The following MAST4 variants were observed in gnomAD, a reference collection of about 807,000 sequenced individuals.
MAST4 encodes the protein microtubule-associated serine/threonine-protein kinase 4.
In MAST4, 89 loss-of-function variants were observed where a neutral mutation model predicts 162.7. The ratio of observed to expected loss-of-function variants is 0.55; its 90% CI spans 0.46 to 0.65. MAST4 has a LOEUF of 0.65. MAST4 is among the 30% of genes least tolerant of loss of function. The pLI is 0.00. For synonymous variants in MAST4, 1,479 were observed against 1,361.1 expected (o/e 1.09, Z -1.91); for missense variants, 3,153 against 3,374.0 (o/e 0.93, Z 1.62).
At chr5:67,155,161 C>A (rs1772331769) in intron 26 of MAST4, among the ~76,000 whole-genome samples, 1 of 152,202 alleles carries the variant, frequency 6.6e-6, no homozygotes, top group East Asian at 1.9e-4. Context: ...TTCATAGATT[C>A]ACATATTTGG....
intron 4 of MAST4, among the ~76,000 whole-genome samples, chr5:66,931,790 A>C (rs1256041259): frequency 6.6e-6 from 1 of 152,180 alleles, no homozygotes; most frequent in Non-Finnish European, 1.5e-5. Flanking sequence ...AATAGCATCC[A>C]GTTTCCCCAG....
At chr5:66,681,111 G>A (rs1246539289) in intron 1 of MAST4, among the ~76,000 whole-genome samples, 1 of 152,220 alleles carries the variant, frequency 6.6e-6, no homozygotes, top group African/African-American at 2.4e-5. Context: ...CATACCAAAG[G>A]TGCTAACTTT....
At chr5:67,007,411 A>G (rs894205069) in intron 4 of MAST4, among the ~76,000 whole-genome samples, 3 of 152,196 alleles carry the variant, frequency 2.0e-5, no homozygotes, top group Non-Finnish European at 4.4e-5. Flanking sequence ...CATCAGTCAG[A>G]TATGCCTTAA....
chr5:66,614,316 T>C (rs1743500348), intron 1 of MAST4, among the ~76,000 whole-genome samples: 1 of 152,242 alleles, frequency 6.6e-6, no homozygotes, highest in South Asian at 2.1e-4. Context: ...GTGTGTACTC[T>C]GGACTTTTGA....
intron 3 of MAST4, among the ~76,000 whole-genome samples, chr5:66,820,830 G>T (rs1160629686): frequency 7.2e-5 from 11 of 152,064 alleles, no homozygotes; most frequent in Non-Finnish European, 5.9e-5. Flanking sequence ...TCAATACCAT[G>T]ATTCCTGTCA....
intron 1 of MAST4, among the ~76,000 whole-genome samples, chr5:66,701,269 T>A (rs1357212613): frequency 6.6e-6 from 1 of 152,212 alleles, no homozygotes; most frequent in Non-Finnish European, 1.5e-5. Flanking sequence ...TCATACAACT[T>A]GCTTTTTAAT....
chr5:66,716,153 T>G (rs1241161271), intron 1 of MAST4, among the ~76,000 whole-genome samples: 1 of 152,142 alleles, frequency 6.6e-6, no homozygotes, highest in Non-Finnish European at 1.5e-5. Flanking sequence ...AAAAAGGAAC[T>G]ATAAAAATTT....
intron 1 of MAST4, among the ~76,000 whole-genome samples, chr5:66,696,298 A>G (rs112781830): frequency 0.019 from 2,931 of 152,130 alleles, 95 homozygotes; most frequent in African/African-American, 0.066. Context: ...GCAAATCACC[A>G]TGGCACACAT....
chr5:66,986,344 C>A, intron 4 of MAST4: 2 of 752,282 alleles, frequency 2.7e-6, no homozygotes, highest in Non-Finnish European at 2.2e-6. Flanking sequence ...AAGTATGGAT[C>A]CATATGTTGT....
chr5:66,718,495 G>C (rs750404858), intron 1 of MAST4, among the ~76,000 whole-genome samples: 21 of 152,032 alleles, frequency 1.4e-4, no homozygotes, highest in Non-Finnish European at 2.8e-4. Flanking sequence ...CGTGTGTGGT[G>C]GTATCTGTCT....
chr5:66,906,872 A>T (rs1029772397), intron 4 of MAST4, among the ~76,000 whole-genome samples: 2 of 152,152 alleles, frequency 1.3e-5, no homozygotes, highest in Non-Finnish European at 2.9e-5. Context: ...TCCAGAGATG[A>T]GATGGAAGAT....
chr5:66,774,605 A>G (rs987103071), intron 2 of MAST4, among the ~76,000 whole-genome samples: 2 of 151,988 alleles, frequency 1.3e-5, no homozygotes, highest in Non-Finnish European at 2.9e-5. Flanking sequence ...AATTTTTATT[A>G]TTTGTGTACC....
intron 1 of MAST4, among the ~76,000 whole-genome samples, chr5:66,668,101 G>C (rs1747374860): frequency 6.6e-6 from 1 of 152,104 alleles, no homozygotes; most frequent in African/African-American, 2.4e-5. Flanking sequence ...AATCAAAGCT[G>C]TGCTAATTTG....
intron 3 of MAST4, among the ~76,000 whole-genome samples, chr5:66,857,183 C>T (rs868841586): frequency 5.3e-5 from 8 of 152,146 alleles, no homozygotes; most frequent in African/African-American, 1.4e-4. Context: ...TTTTTCCCCA[C>T]TCAGAATAGA....
Position 67,166,479 on chromosome 5 carries a change from C to T in MAST4, c.7300C>T (p.Pro2434Ser), listed in dbSNP as rs1207461444. The T allele has an allele frequency of 1.7e-5, 27 of 1,603,992 alleles. No individual in the cohort carries two copies. The highest frequency in any genetic ancestry group is 2.3e-5 in the Non-Finnish European group (27 of 1,175,246). Residue 2434 changes from proline to serine, a missense_variant, in exon 29 of 29, where the codon CCC becomes TCC. By Grantham distance (74) the Pro-to-Ser change is moderately conservative (BLOSUM62 -1). Transcript: ENST00000403625. ...PQKPPTEADK[P>S]NGMKRSPSAT... ...GAAGCCACCGACGGAGGCAGACAAG[C>T]CCAATGGCATGAAACGGTCCCCCTC...
intron 1 of MAST4, among the ~76,000 whole-genome samples, chr5:66,642,485 T>C (rs1029854212): frequency 6.6e-6 from 1 of 152,208 alleles, no homozygotes; most frequent in Non-Finnish European, 1.5e-5. Context: ...CTATTCATTT[T>C]TTTAGGTGTG....
intron 3 of MAST4, among the ~76,000 whole-genome samples, chr5:66,843,776 G>GA (rs1464756167): frequency 2.6e-5 from 4 of 152,062 alleles, no homozygotes; most frequent in African/African-American, 7.2e-5. Context: ...AATTTTCTGG[G>GA]AAAAATAACA....
rs113051141 is a variant in MAST4 at position 67,163,529 on chromosome 5, G to A, written c.4350G>A (p.Leu1450=). The change falls in exon 29 of 29, where the codon CTG becomes CTA. Residue 1450 remains leucine, a synonymous_variant. Transcript: ENST00000403625. This position sits in a 1 kb window ranked among gnomAD's most constrained non-coding sequence, Gnocchi z 7.0. ...AGCGCGTGCAGTCCGAGGAGAAGCT[G>A]TCGCCCTCTTACGGCAGTGACAAGA... The part of the protein sequence containing the change: ...LLKRVQSEEK[L]SPSYGSDKKH... 395 of 1,606,666 alleles carry A rather than the reference G, an allele frequency of 2.5e-4. No individual in the cohort carries two copies. The African/African-American group carries it at 4.8e-3, about 20-fold the overall frequency.
intron 2 of MAST4, among the ~76,000 whole-genome samples, chr5:66,765,689 A>C (rs1201762881): frequency 6.6e-6 from 1 of 152,136 alleles, no homozygotes; most frequent in Non-Finnish European, 1.5e-5. Context: ...ATATGTATTC[A>C]ATGTAGACAA....
Sources: allele counts gnomAD v4.1 joint callset (sites outside exome capture counted in the v4.1 genomes callset), GRCh38; gene constraint gnomAD v4.1.1; non-coding constraint Gnocchi (gnomAD v3.1); transcripts MANE v1.5; gene names NCBI Gene and HGNC (gene_info 2026-07-23, HGNC 2026-07-21).